Variants in LARP4 observed in about 807,000 individuals in gnomAD.
The protein encoded by LARP4 is la-related protein 4.
In LARP4, 29 loss-of-function variants were observed where a neutral mutation model predicts 92.9. The observed-to-expected ratio is 0.31, with a 90% CI of 0.23 to 0.43. The LOEUF (loss-of-function observed/expected upper bound fraction) is 0.43, where lower values mean the gene tolerates loss of function less well. Among genes scored for constraint, LARP4 ranks in the 20% least tolerant of loss-of-function variants. The pLI is 1.00. For synonymous variants in LARP4, 279 were observed against 284.1 expected (o/e 0.98, Z 0.18); for missense variants, 732 against 860.0 (o/e 0.85, Z 1.86).
intron 1 of LARP4, among the ~76,000 whole-genome samples, chr12:50,424,936 CAG>C (rs1476353976): frequency 6.6e-6 from 1 of 151,860 alleles, no homozygotes; most frequent in African/African-American, 2.4e-5. Flanking sequence ...CACCTGAGGT[CAG>C]GGGTTTGAGG....
chr12:50,441,587 C>T lies in LARP4; in HGVS notation c.751-3C>T. 1 of 1,583,194 alleles carries T rather than the reference C, an allele frequency of 6.3e-7. No individual in the cohort carries two copies. Among genetic ancestry groups the T allele is most frequent in the Non-Finnish European group, 8.6e-7 (1 of 1,166,152 alleles). The stretch of plus-strand genomic sequence containing the variant: ...GAAAGTTTTTTTTGTGCTTTGTTAA[C>T]AGGCTTTTAAATACTTAAGAGAAGA... On this transcript the variant is annotated splice_region_variant and splice_polypyrimidine_tract_variant and intron_variant, in intron 7 of 15. Coordinates refer to ENST00000398473, the MANE Select transcript of LARP4 (RefSeq NM_052879.5).
chr12:50,455,468 CT>C (rs1482899801), intron 10 of LARP4, among the ~76,000 whole-genome samples: 1 of 152,106 alleles, frequency 6.6e-6, no homozygotes, highest in Non-Finnish European at 1.5e-5. Flanking sequence ...TTGTGAGACT[CT>C]TGGTTTTTGA....
At chr12:50,404,596 T>C (rs961523543) in intron 1 of LARP4, among the ~76,000 whole-genome samples, 1 of 152,062 alleles carries the variant, frequency 6.6e-6, no homozygotes, top group Non-Finnish European at 1.5e-5. Flanking sequence ...TTTTTTCCTC[T>C]TGAGACCGAG....
At position 50,426,605 on chromosome 12, in the gene LARP4, T is replaced by C. The variant is rs114012065; in HGVS notation, c.19-1157T>C. On this transcript the variant is annotated intron_variant, in intron 1 of 15. Coordinates refer to ENST00000398473, the MANE Select transcript of LARP4 (RefSeq NM_052879.5). ...GTGTAAGTGATAAAATACTCCTCAC[T>C]ACTTCCACCATTTCAAGGCTCAGCC... Among the ~76,000 whole-genome samples, 295 of 151,606 alleles carry C rather than the reference T, an allele frequency of 1.9e-3. 3 individuals are homozygous for C. The highest frequency in any genetic ancestry group is 6.8e-3 in the African/African-American group (279 of 41,332).
In LARP4 at chr12:50,475,692, C is replaced by G; in HGVS notation, c.2003C>G (p.Pro668Arg). ...ENSVEKPHEK[P>R]EARASKDYSG... ...TCCGTTGAGAAACCACATGAGAAGC[C>G]AGAAGCAAGGGCTAGTAAGGATTAT... Residue 668 changes from proline to arginine, a missense_variant, in exon 16 of 16, where the codon CCA becomes CGA. This residue lies in a region of LARP4 where 115 missense variants were observed against 129.1 expected (regional missense o/e 0.89). Transcript: ENST00000398473. 2.5e-6 allele frequency: 4 copies of G among 1,614,000 alleles called. No individual in the cohort carries two copies. The highest frequency in any genetic ancestry group is 3.4e-6 in the Non-Finnish European group (4 of 1,180,028).
intron 7 of LARP4, 90 bp downstream of exon 7, chr12:50,440,639 G>T: frequency 1.2e-6 from 1 of 866,490 alleles, no homozygotes; most frequent in Non-Finnish European, 1.9e-6. Context: ...TGTTTACACT[G>T]ATGTTTATCA....
intron 1 of LARP4, chr12:50,402,566 A>C: frequency 3.9e-6 from 1 of 256,672 alleles, no homozygotes; most frequent in Non-Finnish European, 7.8e-6. Flanking sequence ...TTTGACTTCC[A>C]AATTGATTCC....
chr12:50,457,296 T>A (rs1954480612), intron 10 of LARP4, among the ~76,000 whole-genome samples: 1 of 148,240 alleles, frequency 6.7e-6, no homozygotes, highest in Admixed American at 6.9e-5. Context: ...AACGTCCGTC[T>A]CCCGGGTTCA....
At position 50,446,430 on chromosome 12, in the gene LARP4, T is replaced by TATA. The variant is rs1491491550; in HGVS notation, c.804+4787_804+4788insATA. Among the ~76,000 whole-genome samples the TATA allele has an allele frequency of 9.8e-3, 54 of 5,504 alleles. 10 individuals are homozygous for TATA. Among genetic ancestry groups the TATA allele is most frequent in the Non-Finnish European group, 0.014 (35 of 2,486 alleles). The allele number at this position is 5,504 out of a possible 152,430, so 3.6% of individuals were successfully genotyped here. A position where few individuals can be genotyped will look rare whatever the true frequency, so the allele number is the denominator to read the frequency against. Reference sequence around the variant, plus strand: ...CTCTCTATATATATATATATATATATTTTTTTTTTTTTTTATAGACGGAGT... The same window carrying TATA: ...CTCTCTATATATATATATATATATATATATTTTTTTTTTTTTTATAGACGGAGT... On this transcript the variant is annotated intron_variant, in intron 8 of 15. Coordinates refer to ENST00000398473, the MANE Select transcript of LARP4 (RefSeq NM_052879.5).
In LARP4 at chr12:50,430,529, A is replaced by T. The variant is rs200668876; in HGVS notation, c.357A>T (p.Leu119=). The change falls in exon 4 of 16, where the codon CTA becomes CTT. Residue 119 remains leucine (L), a synonymous_variant. Transcript: ENST00000398473. ...ESNSAVSTED[L]KECLKKQLEF... ...ATTCAGCAGTTTCTACAGAAGACCT[A>T]AAAGAATGTCTGAAGAAACAATTAG... The T allele has an allele frequency of 8.6e-5, 138 of 1,608,262 alleles. No individual in the cohort carries two copies. Among genetic ancestry groups the T allele is most frequent in the Non-Finnish European group, 1.1e-4 (135 of 1,176,292 alleles).
rs970599707 is a variant in LARP4, at chr12:50,465,601, A to G, written c.1384-1358A>G. On this transcript the variant is annotated intron_variant, in intron 12 of 15. Transcript: ENST00000398473. The stretch of plus-strand genomic sequence containing the variant: ...GATAAGCTCATGCAGAGTACTCTCC[A>G]TAGAGTGGTGAAAGTGGTCTAATAT... Among the ~76,000 whole-genome samples, 3 of 152,244 alleles carry G rather than the reference A, an allele frequency of 2.0e-5. No individual in the cohort carries two copies. The South Asian group carries it at 6.2e-4, about 32-fold the overall frequency.
At chr12:50,418,803 C>G (rs1565961263) in intron 1 of LARP4, among the ~76,000 whole-genome samples, 2 of 152,140 alleles carry the variant, frequency 1.3e-5, no homozygotes, top group African/African-American at 2.4e-5. Flanking sequence ...ACTGTAGCCT[C>G]AGTCTCCCAG....
At chr12:50,409,212 T>G (rs958621915) in intron 1 of LARP4, among the ~76,000 whole-genome samples, 1 of 152,084 alleles carries the variant, frequency 6.6e-6, no homozygotes, top group Non-Finnish European at 1.5e-5. Flanking sequence ...TCTAGAAACA[T>G]GGACTCTGGG....
chr12:50,432,635 G>A (rs191372952), intron 4 of LARP4, among the ~76,000 whole-genome samples: 17 of 152,090 alleles, frequency 1.1e-4, no homozygotes, highest in Admixed American at 1.0e-3. Context: ...CAAGGCAGGC[G>A]GATCACCTGA....
chr12:50,455,527 C>T (rs141788903), intron 10 of LARP4, among the ~76,000 whole-genome samples: 25 of 152,178 alleles, frequency 1.6e-4, no homozygotes, highest in Admixed American at 4.6e-4. Flanking sequence ...TTGCCAGATT[C>T]GATTCTTCTA....
intron 10 of LARP4, among the ~76,000 whole-genome samples, chr12:50,459,912 G>A (rs1955050636): frequency 6.6e-6 from 1 of 151,824 alleles, no homozygotes; most frequent in East Asian, 1.9e-4. Context: ...GCCAAGGTGG[G>A]CGGTTCACGA....
rs1472321377 is a variant in LARP4 at position 50,476,918 on chromosome 12, GATGGT to G, written c.*1056_*1060del. 2 of 152,252 alleles carry G rather than the reference GATGGT, an allele frequency of 1.3e-5. No homozygotes were observed. Among genetic ancestry groups the G allele is most frequent in the Non-Finnish European group, 2.9e-5 (2 of 68,022 alleles). 9.4% of individuals were successfully genotyped at this position (152,252 alleles called of 1,614,324 possible). A position where few individuals can be genotyped will look rare whatever the true frequency, so the allele number is the denominator to read the frequency against. ...ACACATTTAGAATTTTAGCTCCCAA[GATGGT>G]AGGGCAGACTGACCGTACAGTAATT... On this transcript the variant is annotated 3_prime_UTR_variant, in exon 16 of 16. Transcript: ENST00000398473.
chr12:50,458,366 G>A (rs1205498337), intron 10 of LARP4, among the ~76,000 whole-genome samples: 1 of 151,998 alleles, frequency 6.6e-6, no homozygotes, highest in Non-Finnish European at 1.5e-5. Flanking sequence ...TCTTGACCTC[G>A]TGATGCACCC....
At chr12:50,424,189 T>C (rs1031558491) in intron 1 of LARP4, among the ~76,000 whole-genome samples, 5 of 152,122 alleles carry the variant, frequency 3.3e-5, no homozygotes, top group African/African-American at 1.2e-4. Context: ...GGCAACATAA[T>C]GAAAACCCAA....
Sources: allele counts gnomAD v4.1 joint callset (sites outside exome capture counted in the v4.1 genomes callset), GRCh38; gene constraint gnomAD v4.1.1; regional missense constraint gnomAD v4.1.1; transcripts MANE v1.5; gene names NCBI Gene and HGNC (gene_info 2026-07-23, HGNC 2026-07-21).